Variants in OR2M4 observed in about 807,000 individuals in gnomAD.
The protein encoded by OR2M4 is olfactory receptor family 2 subfamily M member 4, also known as olfactory receptor 2M4.
OR2M4 carries 8 observed loss-of-function variants against 13.7 expected under a neutral mutation model. The observed-to-expected ratio is 0.58, with a 90% CI of 0.34 to 1.05. The LOEUF (loss-of-function observed/expected upper bound fraction) is 1.05. Among genes scored for constraint, OR2M4 ranks in the 50% least tolerant of loss-of-function variants. The pLI, the probability that OR2M4 is intolerant of heterozygous loss-of-function variation, is 0.02. For missense variants in OR2M4, 374 were observed against 381.6 expected, an observed-to-expected ratio of 0.98 and a Z score of 0.17; for synonymous variants, 152 against 141.3, an observed-to-expected ratio of 1.08 and a Z score of -0.53.
chr1:248,238,977 A>G lies in OR2M4; in HGVS notation c.49A>G (p.Ile17Val), dbSNP rs1370756010. 9.9e-6 allele frequency: 16 copies of G among 1,612,192 alleles called. No individual in the cohort carries two copies. The highest frequency in any genetic ancestry group is 1.3e-5 in the Non-Finnish European group (15 of 1,179,222). The stretch of plus-strand genomic sequence containing the variant: ...CAACTCCATCTTCATCCTGCTGGGA[A>G]TCTTCAATCACAGTCCCACCCACAC... ...TFNSIFILLG[I>V]FNHSPTHTFL... is the part of the protein sequence containing the mutation. Residue 17 changes from isoleucine (I) to valine (V), a missense_variant, in exon 2 of 2, where the codon ATC becomes GTC. Physicochemically the swap from Ile to Val is conservative, Grantham distance 29 (BLOSUM62 3). Transcript: ENST00000641868.
At chr1:248,235,361 T>C (rs932033649) in intron 1 of OR2M4, among the ~76,000 whole-genome samples, 1 of 152,176 alleles carries the variant, frequency 6.6e-6, no homozygotes, top group Non-Finnish European at 1.5e-5. Flanking sequence ...TCTGTTGGTC[T>C]ATGTGTCTGT....
Position 248,239,819 on chromosome 1 carries a change from G to T in OR2M4, c.891G>T (p.Val297=). 6.2e-7 allele frequency: 1 copy of T among 1,613,384 alleles called. No individual in the cohort carries two copies. Among genetic ancestry groups the T allele is most frequent in the Non-Finnish European group, 8.5e-7 (1 of 1,179,816 alleles). ...TTTATAGCCTCCGCAACAAAGAAGT[G>T]TTCAGGGCACTACAGAAGGTACTGA... ...PLIYSLRNKE[V]FRALQKVLKK... Residue 297 remains valine, a synonymous_variant, in exon 2 of 2, where the codon GTG becomes GTT. Coordinates refer to ENST00000641868, the MANE Select transcript of OR2M4 (RefSeq NM_017504.2).
chr1:248,233,593 C>A (rs1666524564), intron 1 of OR2M4, among the ~76,000 whole-genome samples: 1 of 151,474 alleles, frequency 6.6e-6, no homozygotes, highest in African/African-American at 2.4e-5. Flanking sequence ...TAGTCAGTAT[C>A]AAAAAAAATT....
At position 248,231,524 on chromosome 1, in the gene OR2M4, T is replaced by A. The variant is rs1402135269; in HGVS notation, c.-76T>A. On this transcript the variant is annotated 5_prime_UTR_variant, in exon 1 of 2. Transcript: ENST00000641868. ...ACAGCTCAGGCAGTGATTATTATAT[T>A]CCAGAGTATAAAGAACCCAGAACTG... 4 of 152,158 alleles carry A rather than the reference T, an allele frequency of 2.6e-5. No individual in the cohort carries two copies. Among genetic ancestry groups the A allele is most frequent in the African/African-American group, 7.2e-5 (3 of 41,424 alleles). 9.4% of individuals were successfully genotyped at this position (152,158 alleles called of 1,614,324 possible).
Position 248,239,139 on chromosome 1 carries a change from C to G in OR2M4, c.211C>G (p.Leu71Val). 1 of 1,613,768 alleles carries G rather than the reference C, an allele frequency of 6.2e-7. No homozygotes were observed. The highest frequency in any genetic ancestry group is 2.2e-5 in the East Asian group (1 of 44,900). ...FLLSQLSLMD[L>V]MLICTTLPKM... The stretch of plus-strand genomic sequence containing the variant: ...CCTCAGTCAACTGTCCCTTATGGAC[C>G]TCATGCTCATCTGCACCACTCTACC... The change falls in exon 2 of 2, where the codon CTC (leucine) becomes GTC (valine). Residue 71 changes from leucine (L) to valine (V), a missense_variant. Coordinates refer to ENST00000641868, the MANE Select transcript of OR2M4 (RefSeq NM_017504.2).
In OR2M4 at chr1:248,239,889, C is replaced by A. The variant is rs774269619; in HGVS notation, c.*25C>A. ...ACCTTATCAAAATCTTTTTGAGTGC[C>A]TACTGTGGTCAACACTCATTCAAAA... is the stretch of plus-strand genomic sequence containing the variant. On this transcript the variant is annotated 3_prime_UTR_variant, in exon 2 of 2. Coordinates refer to ENST00000641868, the MANE Select transcript of OR2M4 (RefSeq NM_017504.2). The A allele has an allele frequency of 7.0e-7, 1 of 1,434,398 alleles. No individual in the cohort carries two copies. Among genetic ancestry groups the A allele is most frequent in the Non-Finnish European group, 9.5e-7 (1 of 1,053,894 alleles). 88.9% of individuals were successfully genotyped at this position (1,434,398 alleles called of 1,614,324 possible).
At chr1:248,237,528 C>A (rs1666570966) in intron 1 of OR2M4, among the ~76,000 whole-genome samples, 1 of 151,784 alleles carries the variant, frequency 6.6e-6, no homozygotes, top group African/African-American at 2.4e-5. Flanking sequence ...TGGCGGGCGC[C>A]TGTAATCTCA....
At chr1:248,235,448 A>C (rs952305565) in intron 1 of OR2M4, among the ~76,000 whole-genome samples, 2 of 152,106 alleles carry the variant, frequency 1.3e-5, no homozygotes, top group Non-Finnish European at 2.9e-5. Flanking sequence ...TGATGCCTCC[A>C]GCTTTGTTCT....
chr1:248,234,773 T>G (rs1666541735), intron 1 of OR2M4, among the ~76,000 whole-genome samples: 2 of 148,826 alleles, frequency 1.3e-5, no homozygotes, highest in Admixed American at 6.7e-5. Context: ...TGTTGAGCCT[T>G]TTTTTTTTTA....
In OR2M4 at chr1:248,243,866, C is replaced by T. The variant is rs1666641617; in HGVS notation, c.*4002C>T. On this transcript the variant is annotated 3_prime_UTR_variant, in exon 2 of 2. Coordinates refer to ENST00000641868, the MANE Select transcript of OR2M4 (RefSeq NM_017504.2). Reference sequence around the variant, plus strand: ...AACAAGCAAAACCCCATTAAATAATCCCATTAAAAAGTGGGCAAAGCACAT... The same window carrying T: ...AACAAGCAAAACCCCATTAAATAATTCCATTAAAAAGTGGGCAAAGCACAT... The T allele has an allele frequency of 6.6e-6, 1 of 152,140 alleles. No individual in the cohort carries two copies. Among genetic ancestry groups the T allele is most frequent in the African/African-American group, 2.4e-5 (1 of 41,396 alleles). 9.4% of individuals were successfully genotyped at this position (152,140 alleles called of 1,614,324 possible). A position where few individuals can be genotyped will look rare whatever the true frequency, so the allele number is the denominator to read the frequency against.
intron 1 of OR2M4, 106 bp from the exon 2 acceptor site, chr1:248,238,804 T>C (rs1666583028): frequency 1.6e-6 from 1 of 639,776 alleles, no homozygotes; most frequent in Non-Finnish European, 2.7e-6. Context: ...TGAAGGTTGG[T>C]GAGAAGGCCT....
At position 248,239,551 on chromosome 1, in the gene OR2M4, T is replaced by C. The variant is rs554550295; in HGVS notation, c.623T>C (p.Ile208Thr). The C allele has an allele frequency of 3.0e-5, 49 of 1,614,154 alleles. No individual in the cohort carries two copies. In the Admixed American group the frequency reaches 6.7e-4, roughly 22 times the overall value. The change falls in exon 2 of 2, where the codon ATC becomes ACC. Residue 208 changes from isoleucine to threonine, a missense_variant. Physicochemically the swap from Ile to Thr is moderately conservative, Grantham distance 89 (BLOSUM62 -1). Transcript: ENST00000641868. ...LLVICCVVMLIFPVSVIILSY... is the reference protein window; with the variant it reads ...LLVICCVVMLTFPVSVIILSY... Reference sequence around the variant, plus strand: ...GTCATTTGTTGTGTGGTAATGCTAATCTTTCCAGTTTCAGTTATCATACTT... The same window carrying C: ...GTCATTTGTTGTGTGGTAATGCTAACCTTTCCAGTTTCAGTTATCATACTT...
chr1:248,239,935 ATTCTAT>A lies in OR2M4; in HGVS notation c.*82_*87del, dbSNP rs1666601618. ...CAAAAAAACTGGAATCTCTTAAATT[ATTCTAT>A]TTCTATTTCTGGTAATTTGTATTAA... On this transcript the variant is annotated 3_prime_UTR_variant, in exon 2 of 2. Transcript: ENST00000641868. 2.2e-6 allele frequency: 2 copies of A among 890,650 alleles called. No homozygotes were observed. The highest frequency in any genetic ancestry group is 3.4e-6 in the Non-Finnish European group (2 of 592,858). 55.2% of individuals were successfully genotyped at this position (890,650 alleles called of 1,614,324 possible).
rs565453103 is a variant in OR2M4 at position 248,239,436 on chromosome 1, A to C, written c.508A>C (p.Ser170Arg). 1 of 1,614,048 alleles carries C rather than the reference A, an allele frequency of 6.2e-7. No homozygotes were observed. The highest frequency in any genetic ancestry group is 8.5e-7 in the Non-Finnish European group (1 of 1,180,024). ...AGCTGTCCTGTCATTTTCTTACTGC[A>C]GCTCTCTGGAAATTCATCACTTTTT... ...LAAVLSFSYCSSLEIHHFFCD... is the reference protein window; with the variant it reads ...LAAVLSFSYCRSLEIHHFFCD... Residue 170 changes from serine to arginine, a missense_variant, in exon 2 of 2, where the codon AGC (serine) becomes CGC (arginine). By Grantham distance (110) the Ser-to-Arg change is moderately radical. Transcript: ENST00000641868.
In OR2M4 at chr1:248,243,711, T is replaced by C. The variant is rs1174504793; in HGVS notation, c.*3847T>C. ...CAAAAATTGACAAGCTAGACCTAAT[T>C]AAAGAGCTTCTTCACAGCAACAGAA... On this transcript the variant is annotated 3_prime_UTR_variant, in exon 2 of 2. Coordinates refer to ENST00000641868, the MANE Select transcript of OR2M4 (RefSeq NM_017504.2). The C allele has an allele frequency of 6.6e-6, 1 of 152,114 alleles. No individual in the cohort carries two copies. Among genetic ancestry groups the C allele is most frequent in the Non-Finnish European group, 1.5e-5 (1 of 68,022 alleles). The allele number at this position is 152,114 out of a possible 1,614,324, so 9.4% of individuals were successfully genotyped here.
rs1666627096 is a variant in OR2M4 at position 248,242,432 on chromosome 1, G to T, written c.*2568G>T. On this transcript the variant is annotated 3_prime_UTR_variant, in exon 2 of 2. Transcript: ENST00000641868. ...ATGCTACCACAACTGGCTAATTTTT[G>T]TATTTTTAGTAGAGACGGGATTTCA... 6.6e-6 allele frequency: 1 copy of T among 152,130 alleles called. No individual in the cohort carries two copies. Among genetic ancestry groups the T allele is most frequent in the East Asian group, 1.9e-4 (1 of 5,194 alleles). The allele number at this position is 152,130 out of a possible 1,614,324, so 9.4% of individuals were successfully genotyped here.
Position 248,239,452 on chromosome 1 carries a change from A to C in OR2M4, c.524A>C (p.His175Pro). The C allele has an allele frequency of 1.9e-6, 3 of 1,614,090 alleles. No homozygotes were observed. Among genetic ancestry groups the C allele is most frequent in the Non-Finnish European group, 2.5e-6 (3 of 1,180,012 alleles). The change falls in exon 2 of 2, where the codon CAT becomes CCT. Residue 175 changes from histidine to proline, a missense_variant. Physicochemically the swap from His to Pro is moderately conservative, Grantham distance 77 (BLOSUM62 -2). Coordinates refer to ENST00000641868, the MANE Select transcript of OR2M4 (RefSeq NM_017504.2). ...TCTTACTGCAGCTCTCTGGAAATTC[A>C]TCACTTTTTCTGTGATGTTGCTGCC... ...SFSYCSSLEI[H>P]HFFCDVAALL...
chr1:248,231,771 C>T (rs1666507668), intron 1 of OR2M4, among the ~76,000 whole-genome samples, 191 bp downstream of exon 1: 1 of 152,074 alleles, frequency 6.6e-6, no homozygotes, highest in African/African-American at 2.4e-5. Context: ...TTCACAACTA[C>T]CTAATTGTGG....
At position 248,231,445 on chromosome 1, in the gene OR2M4, T is replaced by C. The variant is rs1262090120; in HGVS notation, c.-155T>C. On this transcript the variant is annotated 5_prime_UTR_variant, in exon 1 of 2. Coordinates refer to ENST00000641868, the MANE Select transcript of OR2M4 (RefSeq NM_017504.2). ...CGGACAAGTGGGTCATTTGGACTAC[T>C]GGAGTTGCTGCTTTTGAATCTTTTC... 6.6e-6 allele frequency: 1 copy of C among 152,218 alleles called. No homozygotes were observed. Among genetic ancestry groups the C allele is most frequent in the Non-Finnish European group, 1.5e-5 (1 of 68,044 alleles). 9.4% of individuals were successfully genotyped at this position (152,218 alleles called of 1,614,324 possible).
Sources: gnomAD v4.1 joint callset for allele counts (sites outside exome capture counted in the v4.1 genomes callset) on GRCh38, gnomAD v4.1.1 for gene constraint, MANE v1.5 for transcripts, NCBI Gene and HGNC (gene_info 2026-07-23, HGNC 2026-07-21) for gene names.